SLC22A11: variants seen among roughly 807,000 people sequenced by gnomAD.
The protein encoded by SLC22A11 is organic anion transporter 4.
Under a neutral mutation model 49.4 loss-of-function variants are expected in SLC22A11, and 42 were observed. The ratio of observed to expected loss-of-function variants is 0.85; its 90% CI spans 0.66 to 1.10. SLC22A11 has a LOEUF of 1.10. Ranked by LOEUF, SLC22A11 falls within the 50% of genes least tolerant of loss-of-function variation. The pLI is 0.00. For missense variants in SLC22A11, 685 were observed against 731.6 expected, an observed-to-expected ratio of 0.94 and a Z score of 0.74; for synonymous variants, 304 against 315.8, an observed-to-expected ratio of 0.96 and a Z score of 0.40.
chr11:64,572,382 G>C lies in SLC22A11; in HGVS notation c.*1340G>C, dbSNP rs1272938587. 2.0e-5 allele frequency: 3 copies of C among 152,284 alleles called. No homozygotes were observed. The highest frequency in any genetic ancestry group is 2.9e-5 in the Non-Finnish European group (2 of 68,108). 9.4% of individuals were successfully genotyped at this position (152,284 alleles called of 1,614,324 possible). A position where few individuals can be genotyped will look rare whatever the true frequency, so the allele number is the denominator to read the frequency against. ...TAGCCCAGGGCTCTTTCCAGCACAG[G>C]AGGCTCCTAGCCCTCGTCTCCAACC... On this transcript the variant is annotated 3_prime_UTR_variant, in exon 10 of 10. Coordinates refer to ENST00000301891, the MANE Select transcript of SLC22A11 (RefSeq NM_018484.4).
At position 64,556,304 on chromosome 11, in the gene SLC22A11, C is replaced by T. The variant is rs1383697544; in HGVS notation, c.305C>T (p.Ala102Val). The T allele has an allele frequency of 6.2e-7, 1 of 1,613,718 alleles. No individual in the cohort carries two copies. Among genetic ancestry groups the T allele is most frequent in the East Asian group, 2.2e-5 (1 of 44,890 alleles). ...QWQLLDPNATATSWSEADTEP... is the reference protein window; with the variant it reads ...QWQLLDPNATVTSWSEADTEP... ...CAGCTCTTGGACCCCAATGCCACGG[C>T]CACCAGCTGGAGCGAAGCTGACACG... The change falls in exon 1 of 10, where the codon GCC becomes GTC. Residue 102 changes from alanine to valine, a missense_variant. Physicochemically the swap from Ala to Val is moderately conservative, Grantham distance 64. Coordinates refer to ENST00000301891, the MANE Select transcript of SLC22A11 (RefSeq NM_018484.4).
Position 64,556,105 on chromosome 11 carries a change from C to T in SLC22A11, c.106C>T (p.Leu36Phe). The change falls in exon 1 of 10, where the codon CTC becomes TTC. Residue 36 changes from leucine to phenylalanine, a missense_variant. Leu to Phe is a conservative substitution (Grantham distance 22). Transcript: ENST00000301891. ...CTGCCTCATGATACCTTCCCAGATGCTCCTGGAGAACTTCTCAGCCGCCAT... is the reference window on the plus strand; with the variant it reads ...CTGCCTCATGATACCTTCCCAGATGTTCCTGGAGAACTTCTCAGCCGCCAT... ...LPCLMIPSQMLLENFSAAIPG... is the reference protein window; with the variant it reads ...LPCLMIPSQMFLENFSAAIPG... The T allele has an allele frequency of 1.2e-6, 2 of 1,614,200 alleles. No homozygotes were observed. Among genetic ancestry groups the T allele is most frequent in the Non-Finnish European group, 1.7e-6 (2 of 1,180,030 alleles).
In SLC22A11 at chr11:64,564,296, G is replaced by T; in HGVS notation, c.822-12G>T. The T allele has an allele frequency of 6.2e-7, 1 of 1,613,870 alleles. No individual in the cohort carries two copies. The highest frequency in any genetic ancestry group is 8.5e-7 in the Non-Finnish European group (1 of 1,179,902). On this transcript the variant is annotated splice_polypyrimidine_tract_variant and intron_variant, in intron 4 of 9. Coordinates refer to ENST00000301891, the MANE Select transcript of SLC22A11 (RefSeq NM_018484.4). The surrounding 1 kb of genome is among the most constrained non-coding windows in gnomAD (Gnocchi z 4.2). ...AGCGTGCACTCCCAGCTACACACCT[G>T]CCTCCTTACAGGTGGCTGCCAGAAT... is the stretch of plus-strand genomic sequence containing the variant.
chr11:64,564,240 C>T lies in SLC22A11; in HGVS notation c.822-68C>T. ...TCAGCTGGAGGGTCCGTGCCCACTG[C>T]CCCTTTCCACCCCGCCCCGGGGGAG... On this transcript the variant is annotated intron_variant, in intron 4 of 9. Coordinates refer to ENST00000301891, the MANE Select transcript of SLC22A11 (RefSeq NM_018484.4). The surrounding 1 kb of genome is among the most constrained non-coding windows in gnomAD (Gnocchi z 4.2). The T allele has an allele frequency of 2.5e-6, 4 of 1,595,242 alleles. No individual in the cohort carries two copies. Among genetic ancestry groups the T allele is most frequent in the Non-Finnish European group, 2.6e-6 (3 of 1,168,024 alleles).
At position 64,559,167 on chromosome 11, in the gene SLC22A11, G is replaced by T; in HGVS notation, c.426G>T (p.Lys142Asn). The T allele has an allele frequency of 6.2e-7, 1 of 1,613,516 alleles. No individual in the cohort carries two copies. Residue 142 changes from lysine to asparagine, a missense_variant, in exon 2 of 10, where the codon AAG (lysine) becomes AAT (asparagine). Lys to Asn is a moderately conservative substitution (Grantham distance 94, BLOSUM62 0). Coordinates refer to ENST00000301891, the MANE Select transcript of SLC22A11 (RefSeq NM_018484.4). ...TGGTGTGCAGCTCCCAGGGCTTGAA[G>T]CCCCTAAGCCAGTCCATCTTCATGT... The part of the protein sequence containing the change: ...WDLVCSSQGL[K>N]PLSQSIFMSG...
rs1358987590 is a variant in SLC22A11, at chr11:64,567,588, C to G, written c.1059-11C>G. On this transcript the variant is annotated splice_polypyrimidine_tract_variant and intron_variant, in intron 6 of 9. Transcript: ENST00000301891. The stretch of plus-strand genomic sequence containing the variant: ...GCAGGGCAGGGACCTGACTTCCAGC[C>G]TTGCCCGCAGTTTCTCTCTATTGAT... 6.2e-7 allele frequency: 1 copy of G among 1,612,964 alleles called. No homozygotes were observed. The highest frequency in any genetic ancestry group is 1.3e-5 in the African/African-American group (1 of 74,916).
chr11:64,568,273 A>T (rs1243787922), intron 7 of SLC22A11, among the ~76,000 whole-genome samples: 5 of 152,180 alleles, frequency 3.3e-5, no homozygotes. Context: ...CCTCCAGGCC[A>T]GGGCTTCTGC....
chr11:64,563,610 T>TAAAAAAAAAAAAAAAAAAAAAAAA (rs869085115), intron 4 of SLC22A11, among the ~76,000 whole-genome samples: 1 of 43,842 alleles, frequency 2.3e-5, no homozygotes, highest in Non-Finnish European at 3.8e-5. Flanking sequence ...TTAAATGTGC[T>TAAAAAAAAAAAAAAAAAAAAAAAA]AAAAAAAAAA....
chr11:64,566,514 C>T (rs2038628496), intron 6 of SLC22A11: 1 of 150,860 alleles, frequency 6.6e-6, no homozygotes, highest in Non-Finnish European at 1.5e-5. Context: ...TTCCAGGATT[C>T]CTCAGTTCTC....
chr11:64,569,625 G>T, intron 8 of SLC22A11, 27 bp from the exon 9 acceptor site: 1 of 1,604,770 alleles, frequency 6.2e-7, no homozygotes, highest in Non-Finnish European at 8.5e-7. Context: ...CTGTTACAGG[G>T]ATCTGGGCCC....
rs781409853 is a variant in SLC22A11, at chr11:64,556,228, G to A, written c.229G>A (p.Gly77Ser). ...CCTTCTGACCATCTCCATCCCGCCA[G>A]GCCCCAACCAGGGGCCCCACCAGTG... ...KALLTISIPPGPNQGPHQCRR... is the reference protein window; with the variant it reads ...KALLTISIPPSPNQGPHQCRR... The change falls in exon 1 of 10, where the codon GGC becomes AGC. Residue 77 changes from glycine (G) to serine (S), a missense_variant. Physicochemically the swap from Gly to Ser is moderately conservative, Grantham distance 56. Coordinates refer to ENST00000301891, the MANE Select transcript of SLC22A11 (RefSeq NM_018484.4). 14 of 1,613,952 alleles carry A rather than the reference G, an allele frequency of 8.7e-6. No homozygotes were observed. Among genetic ancestry groups the A allele is most frequent in the African/African-American group, 1.3e-5 (1 of 74,926 alleles).
chr11:64,565,281 G>A lies in SLC22A11; in HGVS notation c.1002G>A (p.Leu334=), dbSNP rs1039158027. The part of the protein sequence containing the change: ...VASAKEPRSV[L]DLFCVPVLRW... ...CTGCAAAGGAGCCGCGGTCGGTGCT[G>A]GACCTGTTCTGCGTGCCCGTGCTCC... The change falls in exon 6 of 10, where the codon CTG becomes CTA. Residue 334 remains leucine, a synonymous_variant. Coordinates refer to ENST00000301891, the MANE Select transcript of SLC22A11 (RefSeq NM_018484.4). The surrounding 1 kb of genome is among the most constrained non-coding windows in gnomAD (Gnocchi z 4.1). The A allele has an allele frequency of 5.8e-6, 9 of 1,551,418 alleles. No homozygotes were observed. Among genetic ancestry groups the A allele is most frequent in the Non-Finnish European group, 7.8e-6 (9 of 1,147,928 alleles).
chr11:64,563,143 C>A (rs1381956417), intron 4 of SLC22A11, among the ~76,000 whole-genome samples: 1 of 152,136 alleles, frequency 6.6e-6, no homozygotes, highest in African/African-American at 2.4e-5. Context: ...CCCCGTGGAG[C>A]TTACGTTTCA....
At chr11:64,563,406 C>T (rs909243411) in intron 4 of SLC22A11, among the ~76,000 whole-genome samples, 6 of 151,914 alleles carry the variant, frequency 3.9e-5, no homozygotes, top group African/African-American at 1.5e-4. Flanking sequence ...CCTAGGCAGG[C>T]TAACTCTTCA....
In SLC22A11 at chr11:64,562,394, GGCA is replaced by G; in HGVS notation, c.784_786del (p.Ala262del). 1 of 1,604,130 alleles carries G rather than the reference GGCA, an allele frequency of 6.2e-7. No individual in the cohort carries two copies. Among genetic ancestry groups the G allele is most frequent in the Non-Finnish European group, 8.5e-7 (1 of 1,174,620 alleles). ...TGCGGGACTGGAGGACTCTCCAGCT[GGCA>G]GCATCAGTGCCCTTCTTTGCCATCT... On this transcript the variant is annotated inframe_deletion, in exon 4 of 10. Transcript: ENST00000301891. This position sits in a 1 kb window ranked among gnomAD's most constrained non-coding sequence, Gnocchi z 4.4.
At chr11:64,568,473 C>T (rs2038659461) in intron 7 of SLC22A11, among the ~76,000 whole-genome samples, 197 bp from the exon 8 acceptor site, 2 of 152,222 alleles carry the variant, frequency 1.3e-5, no homozygotes, top group Admixed American at 6.5e-5. Flanking sequence ...CTGTGCCCCT[C>T]GGGCCCCTGC....
rs148479526 is a variant in SLC22A11 at position 64,569,885 on chromosome 11, C to T, written c.1589+27C>T. Reference sequence around the variant, plus strand: ...TGAGTGACCTGTGATCCCTGGGCATCGGGCTGGGCTTCCTCCTGGGCCAAG... The same window carrying T: ...TGAGTGACCTGTGATCCCTGGGCATTGGGCTGGGCTTCCTCCTGGGCCAAG... On this transcript the variant is annotated intron_variant, in intron 9 of 9. Transcript: ENST00000301891. The T allele has an allele frequency of 4.0e-5, 64 of 1,606,996 alleles. No individual in the cohort carries two copies. The African/African-American group carries it at 5.7e-4, about 14-fold the overall frequency.
In SLC22A11 at chr11:64,556,361, G is replaced by A. The variant is rs200647534; in HGVS notation, c.362G>A (p.Arg121His). 2.6e-5 allele frequency: 42 copies of A among 1,612,084 alleles called. 1 individual carries two copies. The Middle Eastern group carries it at 4.9e-4, about 19-fold the overall frequency. The part of the protein sequence containing the change: ...EPCVDGWVYD[R>H]SVFTSTIVAK... ...TGTGTGGACGGCTGGGTCTATGACC[G>A]CAGCGTCTTCACCTCCACCATCGTG... Residue 121 changes from arginine to histidine, a missense_variant, in exon 1 of 10, where the codon CGC becomes CAC. Physicochemically the swap from Arg to His is conservative, Grantham distance 29 (BLOSUM62 0). Transcript: ENST00000301891.
rs191839509 is a variant in SLC22A11 at position 64,572,733 on chromosome 11, A to G, written c.*1691A>G. 2 of 152,366 alleles carry G rather than the reference A, an allele frequency of 1.3e-5. No individual in the cohort carries two copies. The highest frequency in any genetic ancestry group is 6.5e-5 in the Admixed American group (1 of 15,298). 9.4% of individuals were successfully genotyped at this position (152,366 alleles called of 1,614,324 possible). A position where few individuals can be genotyped will look rare whatever the true frequency, so the allele number is the denominator to read the frequency against. On this transcript the variant is annotated 3_prime_UTR_variant, in exon 10 of 10. Transcript: ENST00000301891. ...GCTGAAAGCCCTCCAGTGGCTCACA[A>G]TAAGGATCACACTTCTCCCCCTGCC...
Sources: allele counts gnomAD v4.1 joint callset (sites outside exome capture counted in the v4.1 genomes callset), GRCh38; gene constraint gnomAD v4.1.1; non-coding constraint Gnocchi (gnomAD v3.1); transcripts MANE v1.5; gene names NCBI Gene and HGNC (gene_info 2026-07-23, HGNC 2026-07-21).